ERI1: variants seen among roughly 807,000 people sequenced by gnomAD.
The protein encoded by ERI1 is exoribonuclease 1.
In ERI1, 39 loss-of-function variants were observed where a neutral mutation model predicts 39.7. That is an observed-to-expected ratio of 0.98 (90% CI 0.76 to 1.28). The LOEUF (loss-of-function observed/expected upper bound fraction) is 1.28, where lower values mean the gene tolerates loss of function less well. Among genes scored for constraint, ERI1 ranks in the 50% most tolerant of loss-of-function variants. The pLI, the probability that ERI1 is intolerant of heterozygous loss-of-function variation, is 0.00. For synonymous variants in ERI1, 204 were observed against 149.6 expected, an observed-to-expected ratio of 1.36 and a Z score of -2.65; for missense variants, 581 against 416.9, an observed-to-expected ratio of 1.39 and a Z score of -3.43.
At chr8:9,064,302 T>C (rs538127304) in intron 3 of ERI1, among the ~76,000 whole-genome samples, 1 of 148,174 alleles carries the variant, frequency 6.7e-6, no homozygotes, top group South Asian at 2.2e-4. Flanking sequence ...AGAGAAGGAG[T>C]TGGGGGGTTC....
chr8:9,067,995 C>G (rs1384777418), intron 3 of ERI1, among the ~76,000 whole-genome samples: 2 of 152,126 alleles, frequency 1.3e-5, no homozygotes, highest in East Asian at 1.9e-4. Context: ...CCTCAACAGT[C>G]TCCTTCCCCC....
chr8:9,006,411 A>G (rs79904385), intron 1 of ERI1, among the ~76,000 whole-genome samples: 299 of 152,342 alleles, frequency 2.0e-3, no homozygotes, highest in African/African-American at 7.0e-3. Context: ...GATGAGAATT[A>G]ACCAGTGAAT....
At chr8:9,020,979 A>G (rs1251177631) in intron 6 of ERI1, among the ~76,000 whole-genome samples, 3 of 151,950 alleles carry the variant, frequency 2.0e-5, no homozygotes, top group East Asian at 3.9e-4. Flanking sequence ...TGCTTATACT[A>G]CTTCTTGACT....
chr8:9,077,381 A>G (rs544726651), intron 3 of ERI1, among the ~76,000 whole-genome samples: 10 of 152,222 alleles, frequency 6.6e-5, no homozygotes, highest in Non-Finnish European at 8.8e-5. Context: ...AGTCCCTGGA[A>G]GAAACTGACA....
chr8:9,046,162 C>A (rs926256792), intron 3 of ERI1, among the ~76,000 whole-genome samples: 61 of 152,204 alleles, frequency 4.0e-4, no homozygotes, highest in Admixed American at 1.2e-3. Context: ...GGGCCATCAG[C>A]CATCGCCATT....
chr8:9,048,634 C>T (rs1798254855), intron 3 of ERI1: 1 of 152,392 alleles, frequency 6.6e-6, no homozygotes, highest in South Asian at 2.1e-4. Context: ...GAAATCAAAG[C>T]CCATTGTCAT....
rs761945893 is a variant in ERI1 at position 9,030,567 on chromosome 8, T to C, written c.*533T>C. On this transcript the variant is annotated 3_prime_UTR_variant, in exon 7 of 7. Coordinates refer to ENST00000250263, the MANE Select transcript of ERI1 (RefSeq NM_153332.4). ...TTTCGTAAGGTACTTGGTATACATA[T>C]CTGCCTATGTTTCTTTTCAACTCAT... The C allele has an allele frequency of 6.5e-6, 1 of 154,520 alleles. No homozygotes were observed. The highest frequency in any genetic ancestry group is 1.9e-4 in the East Asian group (1 of 5,286). 9.6% of individuals were successfully genotyped at this position (154,520 alleles called of 1,614,324 possible). A position where few individuals can be genotyped will look rare whatever the true frequency, so the allele number is the denominator to read the frequency against.
At position 9,031,210 on chromosome 8, in the gene ERI1, T is replaced by G. The variant is rs539426598; in HGVS notation, c.*1176T>G. The G allele has an allele frequency of 4.6e-5, 7 of 152,340 alleles. No homozygotes were observed. Among genetic ancestry groups the G allele is most frequent in the Non-Finnish European group, 8.8e-5 (6 of 68,020 alleles). 9.4% of individuals were successfully genotyped at this position (152,340 alleles called of 1,614,324 possible). A position where few individuals can be genotyped will look rare whatever the true frequency, so the allele number is the denominator to read the frequency against. On this transcript the variant is annotated 3_prime_UTR_variant, in exon 7 of 7. Transcript: ENST00000250263. ...TGTGATGCTACTTTATTCTAAAGAT[T>G]TATATTTTATAACCAGATGAATTTC...
downstream of ERI1, among the ~76,000 whole-genome samples, chr8:9,038,325 A>G (rs1797915475): frequency 6.6e-6 from 1 of 152,246 alleles, no homozygotes; most frequent in Admixed American, 6.5e-5. Flanking sequence ...TGCAGTAACA[A>G]GATATTTTGA....
At chr8:9,058,123 G>A (rs1358498149) in intron 3 of ERI1, among the ~76,000 whole-genome samples, 1 of 152,168 alleles carries the variant, frequency 6.6e-6, no homozygotes, top group Non-Finnish European at 1.5e-5. Context: ...CAGACTGCAG[G>A]GGGTCAAAGG....
At position 9,008,026 on chromosome 8, in the gene ERI1, C is replaced by A; in HGVS notation, c.165C>A (p.Thr55=). 2 of 1,607,024 alleles carry A rather than the reference C, an allele frequency of 1.2e-6. No homozygotes were observed. The highest frequency in any genetic ancestry group is 1.7e-6 in the Non-Finnish European group (2 of 1,177,840). ...AGACAAAAGGATCCAAGTTCATTAC[C>A]TCCAGTGCGAGTGACTTCAGTGACC... The part of the protein sequence containing the change: ...GQETKGSKFI[T]SSASDFSDPV... The change falls in exon 2 of 7, where the codon ACC becomes ACA. Residue 55 remains threonine (T), a synonymous_variant. Coordinates refer to ENST00000250263, the MANE Select transcript of ERI1 (RefSeq NM_153332.4).
chr8:9,038,227 C>T (rs1335626043), downstream of ERI1, among the ~76,000 whole-genome samples: 1 of 152,162 alleles, frequency 6.6e-6, no homozygotes, highest in Admixed American at 6.5e-5. Flanking sequence ...ATTTTTGGTG[C>T]AGTTCTCCCA....
chr8:9,037,730 C>G (rs768436810), downstream of ERI1, among the ~76,000 whole-genome samples: 1 of 151,924 alleles, frequency 6.6e-6, no homozygotes, highest in Admixed American at 6.6e-5. Context: ...AGGAGCTATC[C>G]CCTTTCCTTT....
Position 9,032,719 on chromosome 8 carries a change from C to A in ERI1, c.*2685C>A, listed in dbSNP as rs1050666990. 6.6e-6 allele frequency: 1 copy of A among 152,196 alleles called. No homozygotes were observed. The highest frequency in any genetic ancestry group is 2.4e-5 in the African/African-American group (1 of 41,536). 9.4% of individuals were successfully genotyped at this position (152,196 alleles called of 1,614,324 possible). On this transcript the variant is annotated 3_prime_UTR_variant, in exon 7 of 7. Transcript: ENST00000250263. ...AAGTATTATCCCCAAAATGATAATG[C>A]AAAACAGAATAATTTGGAGACCAGG... is the stretch of plus-strand genomic sequence containing the variant.
intron 2 of ERI1, among the ~76,000 whole-genome samples, chr8:9,011,229 G>A (rs138683420): frequency 4.6e-5 from 7 of 152,192 alleles, no homozygotes; most frequent in Middle Eastern, 3.4e-3. Context: ...GCAGTATGAC[G>A]ACTGTGTTGG....
chr8:9,093,065 C>T (rs1799757763), intron 3 of ERI1, among the ~76,000 whole-genome samples: 2 of 152,198 alleles, frequency 1.3e-5, no homozygotes, highest in African/African-American at 4.8e-5. Context: ...TTTATAAGGA[C>T]ATCAGTCATA....
At chr8:9,043,488 C>A (rs968441213) in intron 3 of ERI1, among the ~76,000 whole-genome samples, 1 of 152,206 alleles carries the variant, frequency 6.6e-6, no homozygotes, top group African/African-American at 2.4e-5. Flanking sequence ...TCAGGAACAT[C>A]TCTTATGGAA....
intron 3 of ERI1, among the ~76,000 whole-genome samples, chr8:9,066,924 G>C (rs1433062070): frequency 6.6e-6 from 1 of 152,158 alleles, no homozygotes; most frequent in East Asian, 1.9e-4. Context: ...AGCACGAACG[G>C]TGACAGTCGT....
chr8:9,042,679 T>C (rs1798062822), intron 3 of ERI1, among the ~76,000 whole-genome samples: 1 of 152,188 alleles, frequency 6.6e-6, no homozygotes, highest in Admixed American at 6.5e-5. Context: ...AGTGTTATGC[T>C]TTGAGGAGGT....
Sources: allele counts gnomAD v4.1 joint callset (sites outside exome capture counted in the v4.1 genomes callset), GRCh38; gene constraint gnomAD v4.1.1; transcripts MANE v1.5; gene names NCBI Gene and HGNC (gene_info 2026-07-23, HGNC 2026-07-21).